The following MOV10 variants were observed in gnomAD, a reference collection of about 807,000 sequenced individuals.
MOV10 encodes Mov10 RNA helicase.
Under a neutral mutation model 108.4 loss-of-function variants are expected in MOV10, and 39 were observed. The ratio of observed to expected loss-of-function variants is 0.36; its 90% CI spans 0.28 to 0.47. The LOEUF (loss-of-function observed/expected upper bound fraction) is 0.47, where lower values mean the gene tolerates loss of function less well. Ranked by LOEUF, MOV10 falls within the 20% of genes least tolerant of loss-of-function variation. The pLI, the probability that MOV10 is intolerant of heterozygous loss-of-function variation, is 1.00. For synonymous variants in MOV10, 490 were observed against 523.1 expected (o/e 0.94, Z 0.86); for missense variants, 952 against 1,297.6 (o/e 0.73, Z 4.09).
chr1:112,689,686 G>A, intron 4 of MOV10, 36 bp downstream of exon 4: 1 of 1,601,400 alleles, frequency 6.2e-7, no homozygotes, highest in Non-Finnish European at 8.5e-7. Context: ...CTGGTGGACA[G>A]GGGCTTGTCC....
Position 112,698,688 on chromosome 1 carries a change from A to G in MOV10, c.2509-27A>G, listed in dbSNP as rs760716895. On this transcript the variant is annotated intron_variant, in intron 16 of 20. Coordinates refer to ENST00000369645, the MANE Select transcript of MOV10 (RefSeq NM_001321324.2). ...TCTTGCATTAGGTTAATGGCACGAG[A>G]GAAAGGCACCTGTCCCCTCCTTCCA... 4.4e-6 allele frequency: 7 copies of G among 1,608,560 alleles called. No homozygotes were observed. In the Admixed American group the frequency reaches 1.2e-4, roughly 27 times the overall value.
At chr1:112,683,727 C>T (rs1672845447) in intron 2 of MOV10, among the ~76,000 whole-genome samples, 1 of 152,170 alleles carries the variant, frequency 6.6e-6, no homozygotes, top group Non-Finnish European at 1.5e-5. Flanking sequence ...TTTTCAATGG[C>T]TGCATAATAT....
rs747937140 is a variant in MOV10 at position 112,694,171 on chromosome 1, A to T, written c.1294A>T (p.Ser432Cys). 1.2e-6 allele frequency: 2 copies of T among 1,614,032 alleles called. No homozygotes were observed. Among genetic ancestry groups the T allele is most frequent in the Non-Finnish European group, 1.7e-6 (2 of 1,179,970 alleles). ...CCGTGTCAAGCTGAGCTTTTCCATG[A>T]GGTGGGTGTTGGGGGAACCCTGAGC... ...LDRVKLSFSM[S>C]LLSRFVDGLT... Residue 432 changes from serine (S) to cysteine (C), a missense_variant and splice_region_variant, in exon 8 of 21, where the codon AGC (serine) becomes TGC (cysteine). Coordinates refer to ENST00000369645, the MANE Select transcript of MOV10 (RefSeq NM_001321324.2). This position sits in a 1 kb window ranked among gnomAD's most constrained non-coding sequence, Gnocchi z 4.1.
At chr1:112,697,175 G>A (rs546157321) in intron 14 of MOV10, among the ~76,000 whole-genome samples, 4 of 152,220 alleles carry the variant, frequency 2.6e-5, no homozygotes, top group Admixed American at 2.6e-4. Context: ...TAGGGAGGAG[G>A]TCGGGCACAG....
intron 2 of MOV10, among the ~76,000 whole-genome samples, chr1:112,680,752 G>T (rs1214054007): frequency 7.0e-6 from 1 of 143,200 alleles, no homozygotes; most frequent in East Asian, 2.1e-4. Context: ...ACTTAGGCTG[G>T]AGTGCAGTGG....
At chr1:112,689,338 C>A in intron 3 of MOV10, 77 bp from the exon 4 acceptor site, 1 of 1,432,228 alleles carries the variant, frequency 7.0e-7, no homozygotes. Context: ...GCCTCCCAAG[C>A]CTAAAGCTTT....
At chr1:112,688,704 T>C in intron 2 of MOV10, 1 of 1,423,120 alleles carries the variant, frequency 7.0e-7, no homozygotes, top group Non-Finnish European at 9.2e-7. Flanking sequence ...CAGAACCCAC[T>C]GTTTAAAACA....
At chr1:112,674,788 G>A (rs2101217353) in intron 1 of MOV10, 59 bp downstream of exon 1, 3 of 921,436 alleles carry the variant, frequency 3.3e-6, no homozygotes, top group Non-Finnish European at 4.8e-6. Flanking sequence ...CAGGATCAGG[G>A]GTCAGAGTTA....
Position 112,694,108 on chromosome 1 carries a change from A to G in MOV10, c.1231A>G (p.Ile411Val). The G allele has an allele frequency of 1.2e-6, 2 of 1,614,098 alleles. No homozygotes were observed. Among genetic ancestry groups the G allele is most frequent in the East Asian group, 2.2e-5 (1 of 44,860 alleles). The change falls in exon 8 of 21, where the codon ATC becomes GTC. Residue 411 changes from isoleucine to valine, a missense_variant. By Grantham distance (29) the Ile-to-Val change is conservative. Transcript: ENST00000369645. This position sits in a 1 kb window ranked among gnomAD's most constrained non-coding sequence, Gnocchi z 4.1. Reference protein sequence around the residue: ...LSSETHQEDPITYKGFVHKVE... With the variant: ...LSSETHQEDPVTYKGFVHKVE... ...CTCGGAGACACACCAGGAGGACCCC[A>G]TCACATATAAGGGCTTTGTGCACAA...
intron 3 of MOV10, 70 bp from the exon 4 acceptor site, chr1:112,689,345 C>A: frequency 1.4e-6 from 2 of 1,466,948 alleles, no homozygotes; most frequent in Non-Finnish European, 1.9e-6. Flanking sequence ...AAGCCTAAAG[C>A]TTTCCCCAGG....
chr1:112,696,129 G>A lies in MOV10; in HGVS notation c.1780-19G>A, dbSNP rs759514897. 6.4e-7 allele frequency: 1 copy of A among 1,563,704 alleles called. No individual in the cohort carries two copies. Among genetic ancestry groups the A allele is most frequent in the Non-Finnish European group, 8.8e-7 (1 of 1,136,790 alleles). On this transcript the variant is annotated intron_variant, in intron 11 of 20. Coordinates refer to ENST00000369645, the MANE Select transcript of MOV10 (RefSeq NM_001321324.2). ...GAGTGGAGCCAAGCTGATTCCTCTG[G>A]TCCCTTCACAATCCACAGCCCTGCT...
At position 112,674,736 on chromosome 1, in the gene MOV10, A is replaced by G; in HGVS notation, c.-66+7A>G. 1 of 565,726 alleles carries G rather than the reference A, an allele frequency of 1.8e-6. No individual in the cohort carries two copies. The highest frequency in any genetic ancestry group is 3.0e-6 in the Non-Finnish European group (1 of 333,340). 35.0% of individuals were successfully genotyped at this position (565,726 alleles called of 1,614,324 possible). ...AACCGAAGGGAAAGCTCAGGTAAGA[A>G]AAGAACGGAGGAGGGAAGCCTGGTG... On this transcript the variant is annotated splice_region_variant and intron_variant, in intron 1 of 20. Coordinates refer to ENST00000369645, the MANE Select transcript of MOV10 (RefSeq NM_001321324.2).
Position 112,694,677 on chromosome 1 carries a change from CAG to C in MOV10, c.1472+49_1472+50del, listed in dbSNP as rs764831056. On this transcript the variant is annotated intron_variant, in intron 9 of 20. Coordinates refer to ENST00000369645, the MANE Select transcript of MOV10 (RefSeq NM_001321324.2). This position sits in a 1 kb window ranked among gnomAD's most constrained non-coding sequence, Gnocchi z 4.1. ...TCTGGAGCCACTTGGAGTGTGGGCA[CAG>C]GGGGTGGAGTCAGGGAGGCCTCTGG... is the stretch of plus-strand genomic sequence containing the variant. 16 of 1,592,830 alleles carry C rather than the reference CAG, an allele frequency of 1.0e-5. No individual in the cohort carries two copies. The highest frequency in any genetic ancestry group is 1.7e-4 in the Middle Eastern group (1 of 5,982).
intron 2 of MOV10, among the ~76,000 whole-genome samples, chr1:112,678,196 G>A (rs1290661999): frequency 2.6e-5 from 4 of 152,200 alleles, no homozygotes; most frequent in Middle Eastern, 3.4e-3. Context: ...CCTAGGCAAA[G>A]CATTTGTGTG....
chr1:112,690,140 T>G lies in MOV10; in HGVS notation c.836+42T>G, dbSNP rs747809370. 3.1e-6 allele frequency: 5 copies of G among 1,601,008 alleles called. No individual in the cohort carries two copies. The East Asian group carries it at 1.1e-4, about 36-fold the overall frequency. On this transcript the variant is annotated intron_variant, in intron 5 of 20. Transcript: ENST00000369645. Reference sequence around the variant, plus strand: ...ACTCAGCCCTGGCTGGGCTCGTATCTCAACCACATGGGCCAGGGCTTTGGG... The same window carrying G: ...ACTCAGCCCTGGCTGGGCTCGTATCGCAACCACATGGGCCAGGGCTTTGGG...
intron 14 of MOV10, 51 bp downstream of exon 14, chr1:112,696,897 G>A (rs1431002059): frequency 4.2e-6 from 6 of 1,432,330 alleles, no homozygotes; most frequent in Non-Finnish European, 5.8e-6. Context: ...TTCACATCCT[G>A]CATGCAGACC....
chr1:112,698,319 C>G lies in MOV10; in HGVS notation c.2349C>G (p.Gly783=). ...GFPIIFHGVM[G]KDEREGNSPS... ...CCATCATCTTTCACGGCGTAATGGG[C>G]AAAGATGAGCGTGAAGGCAACAGCC... Residue 783 remains glycine, a synonymous_variant, in exon 16 of 21, where the codon GGC becomes GGG. Transcript: ENST00000369645. 6.2e-7 allele frequency: 1 copy of G among 1,614,136 alleles called. No individual in the cohort carries two copies. Among genetic ancestry groups the G allele is most frequent in the South Asian group, 1.1e-5 (1 of 91,082 alleles).
chr1:112,697,741 C>T (rs1474674851), intron 14 of MOV10: 3 of 397,582 alleles, frequency 7.5e-6, no homozygotes, highest in Non-Finnish European at 1.4e-5. Flanking sequence ...GAAAATGGGC[C>T]CCTAATTATT....
At chr1:112,693,825 T>G (rs1289956373) in intron 7 of MOV10, 193 bp from the exon 8 acceptor site, 2 of 536,516 alleles carry the variant, frequency 3.7e-6, no homozygotes, top group Non-Finnish European at 6.7e-6. Context: ...TTCGGAGGAT[T>G]TGTCTTCTTC....
Sources: gnomAD v4.1 joint callset for allele counts (sites outside exome capture counted in the v4.1 genomes callset) on GRCh38, gnomAD v4.1.1 for gene constraint, Gnocchi (gnomAD v3.1) non-coding constraint, MANE v1.5 for transcripts, NCBI Gene and HGNC (gene_info 2026-07-23, HGNC 2026-07-21) for gene names.